The following PLA2G5 variants were observed in gnomAD, a reference collection of about 807,000 sequenced individuals.
The protein encoded by PLA2G5 is Ca2+-dependent phospholipase A2.
Under a neutral mutation model 15.9 loss-of-function variants are expected in PLA2G5, and 12 were observed. That is an observed-to-expected ratio of 0.76 (90% CI 0.48 to 1.23). The LOEUF (loss-of-function observed/expected upper bound fraction) is 1.23, where lower values mean the gene tolerates loss of function less well. PLA2G5 is among the 50% of genes most tolerant of loss of function. The pLI is 0.00. For missense variants in PLA2G5, 169 were observed against 177.1 expected (o/e 0.95, Z 0.26); for synonymous variants, 71 against 71.4 (o/e 0.99, Z 0.03).
At chr1:20,068,366 T>C (rs1265651803), upstream of PLA2G5, among the ~76,000 whole-genome samples, 1 of 151,714 alleles carries the variant, frequency 6.6e-6, no homozygotes, top group Non-Finnish European at 1.5e-5. Context: ...AAACTCATGT[T>C]ACAGAGAGGC....
At chr1:20,062,530 A>G (rs1043541314) in intron 2 of PLA2G5, among the ~76,000 whole-genome samples, 5 of 152,208 alleles carry the variant, frequency 3.3e-5, no homozygotes, top group Admixed American at 2.0e-4. Context: ...GTGGCAGCTC[A>G]TGCCTGTAAT....
intron 1 of PLA2G5, among the ~76,000 whole-genome samples, chr1:20,051,290 C>T (rs2100406223): frequency 6.6e-6 from 1 of 152,204 alleles, no homozygotes; most frequent in East Asian, 1.9e-4. Context: ...TTTCTGATAA[C>T]TTTGGATATT....
At position 20,043,773 on chromosome 1, in the gene PLA2G5, C is replaced by G. The variant is rs187238258; in HGVS notation, n.276+15064C>G. The stretch of plus-strand genomic sequence containing the variant: ...GATTTTGAAGCTTGGCCGTCAATAC[C>G]CACAACAGTTATGGGGGCAAGGGAA... On this transcript the variant is annotated intron_variant and non_coding_transcript_variant, in intron 1 of 6. Transcript: ENST00000460175. Among the ~76,000 whole-genome samples, 5 of 152,162 alleles carry G rather than the reference C, an allele frequency of 3.3e-5. No individual in the cohort carries two copies. The East Asian group carries it at 9.7e-4, about 29-fold the overall frequency.
At chr1:20,053,050 T>G (rs1230133674) in intron 1 of PLA2G5, among the ~76,000 whole-genome samples, 2 of 152,180 alleles carry the variant, frequency 1.3e-5, no homozygotes, top group Non-Finnish European at 2.9e-5. Context: ...CTCCCTAAAA[T>G]GTATAAAACC....
At chr1:20,051,959 T>C (rs2014198085) in intron 1 of PLA2G5, among the ~76,000 whole-genome samples, 1 of 152,196 alleles carries the variant, frequency 6.6e-6, no homozygotes, top group Non-Finnish European at 1.5e-5. Context: ...CAAAGTTTTA[T>C]CTGAGATTCC....
chr1:20,084,269 T>C (rs1569825925), intron 1 of PLA2G5, among the ~76,000 whole-genome samples: 2 of 152,314 alleles, frequency 1.3e-5, no homozygotes, highest in Middle Eastern at 6.8e-3. Context: ...GCCCAGCCTC[T>C]GCCTGCAAAG....
intron 3 of PLA2G5, 113 bp from the exon 4 acceptor site, chr1:20,089,676 C>A: frequency 2.7e-6 from 2 of 735,136 alleles, no homozygotes; most frequent in South Asian, 1.6e-5. Flanking sequence ...TGCCACATCG[C>A]GTCCACCAAG....
chr1:20,042,864 A>T (rs2013687244), intron 1 of PLA2G5, among the ~76,000 whole-genome samples: 1 of 152,096 alleles, frequency 6.6e-6, no homozygotes, highest in Non-Finnish European at 1.5e-5. Context: ...TTGGAGGGAG[A>T]TACGCAATAT....
intron 1 of PLA2G5, among the ~76,000 whole-genome samples, chr1:20,037,067 C>A (rs2013295106): frequency 6.6e-6 from 1 of 152,182 alleles, no homozygotes; most frequent in Non-Finnish European, 1.5e-5. Flanking sequence ...TCAGAGATTT[C>A]TTCTTGGTTT....
Position 20,031,666 on chromosome 1 carries a change from G to A in PLA2G5, n.276+2957G>A, listed in dbSNP as rs146940965. Among the ~76,000 whole-genome samples, 357 of 151,238 alleles carry A rather than the reference G, an allele frequency of 2.4e-3. 1 individual carries two copies. The highest frequency in any genetic ancestry group is 8.4e-3 in the African/African-American group (347 of 41,068). On this transcript the variant is annotated intron_variant and non_coding_transcript_variant, in intron 1 of 6. Transcript: ENST00000460175. Reference sequence around the variant, plus strand: ...GTAAGAAAGGAAGAATTTTGGGGTGGGGGGTGTGGGGAGGGAATTTCTGGA... The same window carrying A: ...GTAAGAAAGGAAGAATTTTGGGGTGAGGGGTGTGGGGAGGGAATTTCTGGA...
intron 1 of PLA2G5, among the ~76,000 whole-genome samples, chr1:20,035,071 A>G (rs1302865058): frequency 6.6e-6 from 1 of 152,168 alleles, no homozygotes; most frequent in Non-Finnish European, 1.5e-5. Context: ...TTACCCATTT[A>G]GAACCCAATC....
chr1:20,082,191 G>A (rs2016066559), intron 1 of PLA2G5, among the ~76,000 whole-genome samples: 1 of 151,918 alleles, frequency 6.6e-6, no homozygotes, highest in Non-Finnish European at 1.5e-5. Flanking sequence ...GGCGACTTGA[G>A]AGATTCAGGG....
intron 2 of PLA2G5, 110 bp from the exon 3 acceptor site, chr1:20,085,973 C>T: frequency 9.7e-7 from 1 of 1,031,478 alleles, no homozygotes; most frequent in Non-Finnish European, 1.4e-6. Context: ...AAGAGACATG[C>T]AGGTCCCTCC....
Position 20,079,113 on chromosome 1 carries a change from C to CA in PLA2G5, c.-10-5686dup, listed in dbSNP as rs5772882. ...TGGGGGACAGAGACAGACCCTGTCTCAAAAAAAAAAAAAAAAAAAAAATCC... is the reference window on the plus strand; with the variant it reads ...TGGGGGACAGAGACAGACCCTGTCTCAAAAAAAAAAAAAAAAAAAAAAATCC... On this transcript the variant is annotated intron_variant, in intron 1 of 4. Transcript: ENST00000375108. Among the ~76,000 whole-genome samples the CA allele has an allele frequency of 7.9e-3, 814 of 103,020 alleles. 17 individuals carry two copies. The highest frequency in any genetic ancestry group is 0.026 in the African/African-American group (677 of 26,304). The allele number at this position is 103,020 out of a possible 152,430, so 67.6% of individuals were successfully genotyped here. A position where few individuals can be genotyped will look rare whatever the true frequency, so the allele number is the denominator to read the frequency against.
chr1:20,050,718 T>C (rs1324239569), intron 1 of PLA2G5, among the ~76,000 whole-genome samples: 1 of 152,204 alleles, frequency 6.6e-6, no homozygotes, highest in South Asian at 2.1e-4. Context: ...TGACTTTTTT[T>C]TGGGAAATAC....
chr1:20,057,536 T>C (rs1364348609), intron 1 of PLA2G5, among the ~76,000 whole-genome samples: 2 of 152,202 alleles, frequency 1.3e-5, no homozygotes, highest in Non-Finnish European at 2.9e-5. Flanking sequence ...TCTCGCTCTG[T>C]CACCCAGGCT....
intron 2 of PLA2G5, among the ~76,000 whole-genome samples, chr1:20,061,675 C>A (rs1409867030): frequency 6.6e-6 from 1 of 151,986 alleles, no homozygotes; most frequent in Non-Finnish European, 1.5e-5. Context: ...CTAAAAGAAT[C>A]CCTCTTTCCA....
chr1:20,065,600 T>C (rs1376009362), upstream of PLA2G5, among the ~76,000 whole-genome samples: 1 of 152,234 alleles, frequency 6.6e-6, no homozygotes, highest in Non-Finnish European at 1.5e-5. Flanking sequence ...TTATTTCTTT[T>C]TGATAGCTTA....
Position 20,090,793 on chromosome 1 carries a change from C to G in PLA2G5, c.*101C>G. ...GTTCCTGAGAGAGGCTCCTAAGTCA[C>G]AGACCTCAGTCTTTCTCGAAGCTTG... On this transcript the variant is annotated 3_prime_UTR_variant, in exon 5 of 5. Transcript: ENST00000375108. The G allele has an allele frequency of 7.9e-7, 1 of 1,260,882 alleles. No individual in the cohort carries two copies. The highest frequency in any genetic ancestry group is 1.3e-5 in the South Asian group (1 of 78,546). The allele number at this position is 1,260,882 out of a possible 1,614,324, so 78.1% of individuals were successfully genotyped here.
Sources: gnomAD v4.1 joint callset for allele counts (sites outside exome capture counted in the v4.1 genomes callset) on GRCh38, gnomAD v4.1.1 for gene constraint, MANE v1.5 for transcripts, NCBI Gene and HGNC (gene_info 2026-07-23, HGNC 2026-07-21) for gene names.